FAAH2: variants seen among roughly 807,000 people sequenced by gnomAD.
FAAH2 encodes the protein fatty-acid amide hydrolase 2.
In FAAH2, 60 loss-of-function variants were observed where a neutral mutation model predicts 36.9. The observed-to-expected ratio is 1.63, with a 90% CI of 1.32 to 2.02. The LOEUF (loss-of-function observed/expected upper bound fraction) is 2.02, where lower values mean the gene tolerates loss of function less well. FAAH2 is among the 30% of genes most tolerant of loss of function. The pLI, the probability that FAAH2 is intolerant of heterozygous loss-of-function variation, is 0.00. For missense variants in FAAH2, 689 were observed against 397.5 expected (o/e 1.73, Z -6.23); for synonymous variants, 214 against 143.8 (o/e 1.49, Z -3.49).
At chrX:57,347,347 A>C (rs749791183) in intron 5 of FAAH2, among the ~76,000 whole-genome samples, 1 of 111,435 alleles carries the variant, frequency 9.0e-6, no homozygotes, top group Admixed American at 9.5e-5. Context: ...AGCTTGGTCT[A>C]TTCTGCTGTC....
intron 7 of FAAH2, among the ~76,000 whole-genome samples, chrX:57,421,413 C>G (rs1263550655): frequency 1.8e-5 from 2 of 111,892 alleles, no homozygotes. Flanking sequence ...AACATAATAC[C>G]ATAGACTGGG....
intron 7 of FAAH2, among the ~76,000 whole-genome samples, chrX:57,422,353 G>A (rs920004849): frequency 1.8e-4 from 20 of 112,024 alleles, no homozygotes; most frequent in Middle Eastern, 4.6e-3. Flanking sequence ...CCTCCAGGAA[G>A]GCAGTACTGA....
intron 5 of FAAH2, among the ~76,000 whole-genome samples, chrX:57,349,094 T>A (rs1382626682): frequency 3.1e-5 from 3 of 96,854 alleles, no homozygotes; most frequent in Non-Finnish European, 4.1e-5. Flanking sequence ...ATATATATAT[T>A]ATATATATAA....
At chrX:57,393,341 C>T (rs1303179285) in intron 7 of FAAH2, 1 of 779,342 alleles carries the variant, frequency 1.3e-6, no homozygotes, top group Admixed American at 2.2e-5. Context: ...CTTTAGAGCG[C>T]TGACAGTGGC....
intron 10 of FAAH2, among the ~76,000 whole-genome samples, chrX:57,455,060 G>T (rs2147199065): frequency 9.0e-6 from 1 of 111,352 alleles, no homozygotes; most frequent in African/African-American, 3.3e-5. Context: ...AGAAAAATCA[G>T]GTTACCTACA....
At chrX:57,429,164 T>C (rs2056232979) in intron 7 of FAAH2, among the ~76,000 whole-genome samples, 1 of 108,333 alleles carries the variant, frequency 9.2e-6, no homozygotes, top group Admixed American at 9.9e-5. Flanking sequence ...TGAAACCCCA[T>C]CTCTACTAAA....
At chrX:57,398,076 A>G (rs903162777) in intron 7 of FAAH2, among the ~76,000 whole-genome samples, 2 of 111,936 alleles carry the variant, frequency 1.8e-5, no homozygotes, top group Non-Finnish European at 3.8e-5. Flanking sequence ...TATATGTGCC[A>G]TATGTTCTTA....
At chrX:57,408,538 T>TTTAC (rs1399846315) in intron 7 of FAAH2, among the ~76,000 whole-genome samples, 1 of 105,980 alleles carries the variant, frequency 9.4e-6, no homozygotes, top group African/African-American at 3.4e-5. Context: ...TTGCATGCTA[T>TTTAC]TTATTTATTT....
the FAAH2 span, among the ~76,000 whole-genome samples, chrX:57,278,680 A>C: frequency 1.8e-5 from 2 of 111,942 alleles, no homozygotes; most frequent in Non-Finnish European, 3.8e-5. Context: ...AACCTACAGA[A>C]TGGGAGAAAA....
At chrX:57,474,105 A>G (rs745972739) in intron 10 of FAAH2, among the ~76,000 whole-genome samples, 2 of 111,847 alleles carry the variant, frequency 1.8e-5, no homozygotes, top group Non-Finnish European at 3.8e-5. Context: ...CTTTGTACTT[A>G]TGTGTCTTTG....
At chrX:57,243,197 C>T in the FAAH2 span, among the ~76,000 whole-genome samples, 1 of 112,224 alleles carries the variant, frequency 8.9e-6, no homozygotes, top group South Asian at 3.7e-4. Flanking sequence ...CAGACTGCCT[C>T]TAGATTCCTC....
At chrX:57,447,127 T>C (rs2056691235) in intron 9 of FAAH2, 88 bp downstream of exon 9, 1 of 626,175 alleles carries the variant, frequency 1.6e-6, no homozygotes, top group African/African-American at 2.3e-5. Context: ...AAAGGCCCCA[T>C]GCAAGTCCAA....
intron 7 of FAAH2, chrX:57,381,458 T>C: frequency 2.2e-6 from 1 of 449,275 alleles, no homozygotes; most frequent in South Asian, 1.1e-4. Context: ...AAAGCAAGAG[T>C]TCATTTGGGA....
chrX:57,487,272 T>C (rs1243277181), intron 10 of FAAH2, among the ~76,000 whole-genome samples: 2 of 107,094 alleles, frequency 1.9e-5, no homozygotes, highest in Admixed American at 1.0e-4. Context: ...AAAGAAAGCA[T>C]GATAAATTAG....
chrX:57,382,540 A>T (rs776346867), intron 7 of FAAH2, among the ~76,000 whole-genome samples: 1 of 112,102 alleles, frequency 8.9e-6, no homozygotes, highest in East Asian at 2.8e-4. Context: ...ACAGAATACT[A>T]TAAACATCTC....
intron 3 of FAAH2, among the ~76,000 whole-genome samples, chrX:57,324,843 C>T (rs1246897605): frequency 8.9e-6 from 1 of 111,865 alleles, no homozygotes; most frequent in East Asian, 2.8e-4. Flanking sequence ...CCTTCTCCTG[C>T]CTAATTGCCC....
the FAAH2 span, among the ~76,000 whole-genome samples, chrX:57,169,753 T>A: frequency 9.7e-6 from 1 of 102,863 alleles, no homozygotes; most frequent in Non-Finnish European, 2.0e-5. Flanking sequence ...GACTGCAACA[T>A]TGACTTCTGT....
chrX:57,147,948 A>G, the FAAH2 span, among the ~76,000 whole-genome samples: 1 of 111,336 alleles, frequency 9.0e-6, no homozygotes, highest in Admixed American at 9.6e-5. Flanking sequence ...AATTTTTAAG[A>G]ATTTGTTGAG....
At chrX:57,442,499 G>A (rs1208121180) in intron 8 of FAAH2, among the ~76,000 whole-genome samples, 5 of 110,942 alleles carry the variant, frequency 4.5e-5, no homozygotes, top group South Asian at 7.6e-4. Flanking sequence ...GAGCCAATGT[G>A]TGTCTCTGCA....
Sources: gnomAD v4.1 joint callset for allele counts (sites outside exome capture counted in the v4.1 genomes callset) on GRCh38, gnomAD v4.1.1 for gene constraint, MANE v1.5 for transcripts, NCBI Gene and HGNC (gene_info 2026-07-23, HGNC 2026-07-21) for gene names.